The following CCDC170 variants were observed in gnomAD, a reference collection of about 807,000 sequenced individuals.
CCDC170 encodes coiled-coil domain-containing protein 170.
In CCDC170, 69 loss-of-function variants were observed where a neutral mutation model predicts 72.6. That is an observed-to-expected ratio of 0.95 (90% CI 0.78 to 1.16). The LOEUF is 1.16. Ranked by LOEUF, CCDC170 falls within the 50% of genes most tolerant of loss-of-function variation. The pLI is 0.00. For missense variants in CCDC170, 852 were observed against 832.5 expected (o/e 1.02, Z -0.29); for synonymous variants, 300 against 303.9 (o/e 0.99, Z 0.13).
intron 9 of CCDC170, among the ~76,000 whole-genome samples, chr6:151,614,571 C>T (rs1776927466): frequency 6.6e-6 from 1 of 151,952 alleles, no homozygotes; most frequent in African/African-American, 2.4e-5. Context: ...TCTCCTGCCT[C>T]AGCCTCCCGA....
rs1047935512 is a variant in CCDC170 at position 151,572,778 on chromosome 6, T to A, written c.775-396T>A. Among the ~76,000 whole-genome samples, 9 of 151,440 alleles carry A rather than the reference T, an allele frequency of 5.9e-5. No homozygotes were observed. The South Asian group carries it at 1.7e-3, about 28-fold the overall frequency. On this transcript the variant is annotated intron_variant, in intron 5 of 10. Transcript: ENST00000239374. ...AATTCTCCTGCCTCAGGCTCCCGAG[T>A]AGCTGGGATTACAGGTGTGCGCCAC... is the stretch of plus-strand genomic sequence containing the variant.
chr6:151,586,918 G>A (rs1776459504), intron 7 of CCDC170, among the ~76,000 whole-genome samples: 1 of 151,906 alleles, frequency 6.6e-6, no homozygotes, highest in African/African-American at 2.4e-5. Context: ...CCAAGTAGCT[G>A]AGATTACAGG....
At chr6:151,603,598 G>A (rs113243711) in intron 9 of CCDC170, among the ~76,000 whole-genome samples, 8,732 of 152,242 alleles carry the variant, frequency 0.057, 309 homozygotes, top group South Asian at 0.096. Context: ...GTTATCATTA[G>A]TTTCAGCTCA....
chr6:151,574,074 T>C (rs1776268113), intron 6 of CCDC170, among the ~76,000 whole-genome samples: 1 of 152,192 alleles, frequency 6.6e-6, no homozygotes, highest in South Asian at 2.1e-4. Flanking sequence ...CCCCTCTCTC[T>C]ACTGAAAATA....
intron 1 of CCDC170, among the ~76,000 whole-genome samples, chr6:151,525,440 C>T (rs1335339973): frequency 1.3e-5 from 2 of 152,106 alleles, no homozygotes; most frequent in Non-Finnish European, 2.9e-5. Context: ...TTGTTCCTGC[C>T]CCACCCTAAC....
Position 151,596,579 on chromosome 6 carries a change from C to T in CCDC170, c.1710+2C>T. 1 of 1,613,622 alleles carries T rather than the reference C, an allele frequency of 6.2e-7. No individual in the cohort carries two copies. Among genetic ancestry groups the T allele is most frequent in the Non-Finnish European group, 8.5e-7 (1 of 1,179,708 alleles). ...CTGGCCGACACCAATGAACTGAAGG[C>T]AAGTGCTTGGCTTCATTTTGTTGTT... On this transcript the variant is annotated splice_donor_variant, in intron 9 of 10. Transcript: ENST00000239374. LOFTEE classifies it low-confidence loss of function (GC_TO_GT_DONOR).
At chr6:151,607,738 T>C (rs1009662489) in intron 9 of CCDC170, among the ~76,000 whole-genome samples, 2 of 152,232 alleles carry the variant, frequency 1.3e-5, no homozygotes, top group Admixed American at 6.5e-5. Flanking sequence ...TATGTGACTT[T>C]ATGCTTTTCT....
intron 5 of CCDC170, among the ~76,000 whole-genome samples, chr6:151,558,875 A>C (rs1384955968): frequency 6.6e-6 from 1 of 152,046 alleles, no homozygotes; most frequent in African/African-American, 2.4e-5. Flanking sequence ...TTGGCTACTT[A>C]AGGTCTTTTG....
At chr6:151,549,682 C>T (rs1782847962) in intron 5 of CCDC170, among the ~76,000 whole-genome samples, 1 of 152,188 alleles carries the variant, frequency 6.6e-6, no homozygotes, top group Admixed American at 6.5e-5. Context: ...CCACTTGGGA[C>T]TTCCAAAATG....
chr6:151,534,294 A>G (rs1782541464), intron 1 of CCDC170, among the ~76,000 whole-genome samples: 1 of 151,424 alleles, frequency 6.6e-6, no homozygotes, highest in South Asian at 2.1e-4. Flanking sequence ...GGCTCAAGTG[A>G]TCCTCTTGCC....
At chr6:151,507,096 G>A (rs1399991494) in intron 1 of CCDC170, among the ~76,000 whole-genome samples, 1 of 152,102 alleles carries the variant, frequency 6.6e-6, no homozygotes, top group Non-Finnish European at 1.5e-5. Flanking sequence ...CCATGCTTGA[G>A]GGGTTTGTTG....
chr6:151,554,154 C>T (rs186169089), intron 5 of CCDC170, among the ~76,000 whole-genome samples: 31 of 152,250 alleles, frequency 2.0e-4, no homozygotes, highest in African/African-American at 6.7e-4. Flanking sequence ...AAAGTTGGTA[C>T]TTGGTACTTT....
chr6:151,539,743 C>A (rs966188485), intron 3 of CCDC170, among the ~76,000 whole-genome samples: 1 of 152,200 alleles, frequency 6.6e-6, no homozygotes, highest in Non-Finnish European at 1.5e-5. Context: ...TACTGTATAT[C>A]TCCATGTGGA....
intron 9 of CCDC170, among the ~76,000 whole-genome samples, chr6:151,611,730 C>A (rs945713522): frequency 2.0e-5 from 3 of 151,648 alleles, no homozygotes; most frequent in Non-Finnish European, 4.4e-5. Context: ...TGTTTTTTTG[C>A]GACGGAGTCT....
Position 151,603,916 on chromosome 6 carries a change from A to C in CCDC170, c.1710+7339A>C, listed in dbSNP as rs183921784. Among the ~76,000 whole-genome samples the C allele has an allele frequency of 8.7e-4, 132 of 152,284 alleles. 1 individual carries two copies. The highest frequency in any genetic ancestry group is 2.8e-3 in the African/African-American group (118 of 41,562). On this transcript the variant is annotated intron_variant, in intron 9 of 10. Transcript: ENST00000239374. ...TTAGTCCCTGGACCTCATTTAAGTG[A>C]AGTCGGTCTGAGAAATGGGTCTTTA... is the stretch of plus-strand genomic sequence containing the variant.
intron 1 of CCDC170, among the ~76,000 whole-genome samples, chr6:151,532,480 G>T (rs1761371698): frequency 6.6e-6 from 1 of 152,052 alleles, no homozygotes; most frequent in East Asian, 1.9e-4. Flanking sequence ...CATAGCACAT[G>T]CCTGTAATCC....
chr6:151,511,971 T>C (rs556177481), intron 1 of CCDC170, among the ~76,000 whole-genome samples: 12 of 151,868 alleles, frequency 7.9e-5, no homozygotes, highest in Non-Finnish European at 1.6e-4. Flanking sequence ...CTCAGCCTCC[T>C]GAGTAGCTGG....
intron 6 of CCDC170, among the ~76,000 whole-genome samples, chr6:151,574,140 G>A (rs908418883): frequency 6.6e-6 from 1 of 152,198 alleles, no homozygotes. Context: ...TTGAGCCCAC[G>A]AGTTTGAAGC....
chr6:151,593,996 C>T (rs1776584533), intron 8 of CCDC170, among the ~76,000 whole-genome samples: 2 of 152,178 alleles, frequency 1.3e-5, no homozygotes, highest in South Asian at 2.1e-4. Flanking sequence ...CATTTGTAAA[C>T]TCAGCTGCAC....
Sources: allele counts gnomAD v4.1 joint callset (sites outside exome capture counted in the v4.1 genomes callset), GRCh38; gene constraint gnomAD v4.1.1; transcripts MANE v1.5; gene names NCBI Gene and HGNC (gene_info 2026-07-23, HGNC 2026-07-21).